PHF14: variants seen among roughly 807,000 people sequenced by gnomAD.
The protein encoded by PHF14 is PHD finger protein 14.
Under a neutral mutation model 117.9 loss-of-function variants are expected in PHF14, and 55 were observed. The observed-to-expected ratio is 0.47, with a 90% CI of 0.38 to 0.58. The LOEUF is 0.58. Among genes scored for constraint, PHF14 ranks in the 20% least tolerant of loss-of-function variants. The pLI is 0.00. For synonymous variants in PHF14, 409 were observed against 368.6 expected (o/e 1.11, Z -1.26); for missense variants, 978 against 1,122.2 (o/e 0.87, Z 1.84).
At chr7:11,106,525 G>A in intron 16 of PHF14, 4 of 971,378 alleles carry the variant, frequency 4.1e-6, no homozygotes, top group Non-Finnish European at 4.9e-6. Flanking sequence ...CGTATTGGTA[G>A]AATGCAGAAT....
chr7:11,038,674 T>G (rs1488514111), intron 10 of PHF14, 86 bp from the exon 11 acceptor site: 2 of 367,928 alleles, frequency 5.4e-6, no homozygotes, highest in East Asian at 1.0e-4. Flanking sequence ...AAAAAAATTA[T>G]ATATATATAT....
chr7:11,033,034 T>A (rs935787014), intron 7 of PHF14, among the ~76,000 whole-genome samples: 1 of 152,176 alleles, frequency 6.6e-6, no homozygotes, highest in African/African-American at 2.4e-5. Flanking sequence ...TGGTGAAGGT[T>A]AAAGAGATAG....
At position 11,141,781 on chromosome 7, in the gene PHF14, G is replaced by A. The variant is rs182294967; in HGVS notation, c.2773-27635G>A. On this transcript the variant is annotated intron_variant, in intron 17 of 17. Coordinates refer to ENST00000634607, the MANE Select transcript of PHF14 (RefSeq NM_001007157.2). Reference sequence around the variant, plus strand: ...CTTTTTAAAGCTAGTCTGAACGTGTGTCTAACAGCTGTAAGTTTTTCATAC... The same window carrying A: ...CTTTTTAAAGCTAGTCTGAACGTGTATCTAACAGCTGTAAGTTTTTCATAC... Among the ~76,000 whole-genome samples, 13 of 152,098 alleles carry A rather than the reference G, an allele frequency of 8.5e-5. No individual in the cohort carries two copies. In the East Asian group the frequency reaches 2.3e-3, roughly 27 times the overall value.
chr7:11,103,888 A>G (rs1342359230), intron 16 of PHF14: 3 of 981,240 alleles, frequency 3.1e-6, no homozygotes, highest in Middle Eastern at 5.2e-4. Context: ...GAGGAAAAAT[A>G]TTCATAATCT....
At chr7:10,987,358 T>C (rs1782260669) in intron 3 of PHF14, among the ~76,000 whole-genome samples, 1 of 152,156 alleles carries the variant, frequency 6.6e-6, no homozygotes, top group Admixed American at 6.5e-5. Context: ...AATTTCCTTG[T>C]ATTAAACACA....
At chr7:11,003,141 A>G (rs1309677799) in intron 4 of PHF14, among the ~76,000 whole-genome samples, 2 of 152,000 alleles carry the variant, frequency 1.3e-5, no homozygotes, top group African/African-American at 4.8e-5. Flanking sequence ...GGGTTTCACC[A>G]TGTTGGCCAG....
At chr7:11,039,361 G>C (rs1316100675) in intron 11 of PHF14, among the ~76,000 whole-genome samples, 1 of 151,700 alleles carries the variant, frequency 6.6e-6, no homozygotes, top group Non-Finnish European at 1.5e-5. Flanking sequence ...ATGTTAAAAT[G>C]TATTTTTCCC....
At chr7:11,169,207 CT>C (rs1368675407) in intron 17 of PHF14, among the ~76,000 whole-genome samples, 1 of 152,022 alleles carries the variant, frequency 6.6e-6, no homozygotes, top group Non-Finnish European at 1.5e-5. Context: ...AAATTGGTTG[CT>C]TTTAAAAACA....
At chr7:11,115,181 T>C (rs577290105) in intron 17 of PHF14, among the ~76,000 whole-genome samples, 1 of 152,128 alleles carries the variant, frequency 6.6e-6, no homozygotes, top group South Asian at 2.1e-4. Flanking sequence ...TCTTTGCTCC[T>C]TTTTTCCACT....
intron 17 of PHF14, among the ~76,000 whole-genome samples, chr7:11,136,584 T>A (rs1174265460): frequency 6.6e-6 from 1 of 152,230 alleles, no homozygotes; most frequent in African/African-American, 2.4e-5. Context: ...GTTGAGCATG[T>A]CTTTTGCCAT....
chr7:11,103,327 C>A, intron 16 of PHF14: 1 of 895,560 alleles, frequency 1.1e-6, no homozygotes, highest in Non-Finnish European at 1.3e-6. Flanking sequence ...TTTCTGTGTT[C>A]AGTATAATTT....
intron 17 of PHF14, among the ~76,000 whole-genome samples, chr7:11,120,226 A>G (rs1331480092): frequency 6.6e-6 from 1 of 151,920 alleles, no homozygotes. Context: ...TTAACTATTT[A>G]TAGTTACTTG....
intron 16 of PHF14, chr7:11,105,802 A>G (rs1787241186): frequency 4.1e-6 from 4 of 984,504 alleles, no homozygotes; most frequent in Admixed American, 1.2e-4. Context: ...ATGTAATGTA[A>G]TTGGATGCAC....
chr7:11,027,325 G>T (rs758831982), intron 6 of PHF14, among the ~76,000 whole-genome samples: 2 of 152,068 alleles, frequency 1.3e-5, no homozygotes, highest in Non-Finnish European at 2.9e-5. Context: ...CTAGGCAGTA[G>T]GATGTCAGGA....
intron 1 of PHF14, 31 bp downstream of exon 1, chr7:10,974,355 G>C (rs1781788687): frequency 6.3e-7 from 1 of 1,576,294 alleles, no homozygotes; most frequent in East Asian, 2.3e-5. Flanking sequence ...TGCGGCGAGA[G>C]GTCCATTTCA....
At chr7:11,104,761 C>A in intron 16 of PHF14, 2 of 605,958 alleles carry the variant, frequency 3.3e-6, no homozygotes, top group African/African-American at 2.0e-5. Flanking sequence ...TACTCCCTCC[C>A]CCTTCACCCT....
At chr7:11,039,299 T>C (rs1784425372) in intron 11 of PHF14, among the ~76,000 whole-genome samples, 1 of 152,122 alleles carries the variant, frequency 6.6e-6, no homozygotes, top group African/African-American at 2.4e-5. Flanking sequence ...AGATATTCAT[T>C]TTTATGTTAA....
At chr7:11,034,270 C>T (rs941902487) in intron 7 of PHF14, among the ~76,000 whole-genome samples, 2 of 152,008 alleles carry the variant, frequency 1.3e-5, no homozygotes, top group Non-Finnish European at 2.9e-5. Flanking sequence ...AAACTAATAG[C>T]TTATGTTTAC....
chr7:11,146,903 G>A (rs1251073812), intron 17 of PHF14, among the ~76,000 whole-genome samples: 1 of 152,178 alleles, frequency 6.6e-6, no homozygotes, highest in East Asian at 1.9e-4. Context: ...CTGGAGTCCA[G>A]TGGTGCGATC....
Sources: allele counts gnomAD v4.1 joint callset (sites outside exome capture counted in the v4.1 genomes callset), GRCh38; gene constraint gnomAD v4.1.1; transcripts MANE v1.5; gene names NCBI Gene and HGNC (gene_info 2026-07-23, HGNC 2026-07-21).